Variants in PRKACB observed in about 807,000 individuals in gnomAD.
PRKACB encodes the protein protein kinase cAMP-activated catalytic subunit beta, also known as cAMP-dependent protein kinase catalytic subunit beta.
In PRKACB, 16 loss-of-function variants were observed where a neutral mutation model predicts 51.4. That is an observed-to-expected ratio of 0.31 (90% CI 0.21 to 0.47). The LOEUF (loss-of-function observed/expected upper bound fraction) is 0.47, where lower values mean the gene tolerates loss of function less well. PRKACB is among the 20% of genes least tolerant of loss of function. The probability of loss-of-function intolerance (pLI) is 1.00; values close to 1 mark genes in which losing one functional copy is unlikely to be tolerated. For synonymous variants in PRKACB, 147 were observed against 154.4 expected (o/e 0.95, Z 0.35); for missense variants, 309 against 464.5 (o/e 0.67, Z 3.08).
Position 84,214,302 on chromosome 1 carries a change from T to C in PRKACB, c.1056T>C (p.Ala352=). 6.3e-7 allele frequency: 1 copy of C among 1,592,304 alleles called. No individual in the cohort carries two copies. The highest frequency in any genetic ancestry group is 8.5e-7 in the Non-Finnish European group (1 of 1,171,832). The change falls in exon 9 of 10, where the codon GCT becomes GCC. Residue 352 remains alanine (A), a synonymous_variant. Coordinates refer to ENST00000370685, the MANE Select transcript of PRKACB (RefSeq NM_182948.4). The stretch of plus-strand genomic sequence containing the variant: ...GGTTTGCCACGACAGATTGGATTGC[T>C]ATTTACCAGAGGAAGGTGAGACTTT... The part of the protein sequence containing the change: ...HKWFATTDWI[A]IYQRKVEAPF...
At chr1:84,158,192 C>T (rs1373364590) in intron 1 of PRKACB, among the ~76,000 whole-genome samples, 2 of 152,012 alleles carry the variant, frequency 1.3e-5, no homozygotes, top group Non-Finnish European at 2.9e-5. Flanking sequence ...CATGCGCCAT[C>T]ACTCCCGGCT....
chr1:84,199,247 A>T (rs1030352469), intron 7 of PRKACB, among the ~76,000 whole-genome samples: 4 of 151,460 alleles, frequency 2.6e-5, no homozygotes, highest in African/African-American at 9.7e-5. Flanking sequence ...TTATTTCATC[A>T]CTCAGGAATT....
At chr1:84,086,102 C>T in intron 1 of PRKACB, 1 of 1,475,408 alleles carries the variant, frequency 6.8e-7, no homozygotes, top group South Asian at 1.1e-5. Context: ...CCACACAGAC[C>T]TCGCCATTGA....
chr1:84,097,493 C>G (rs1404677879), intron 1 of PRKACB, among the ~76,000 whole-genome samples: 1 of 151,976 alleles, frequency 6.6e-6, no homozygotes, highest in Non-Finnish European at 1.5e-5. Flanking sequence ...TCCAGAGAAA[C>G]AGAACCAATA....
chr1:84,216,381 T>A (rs1414122622), intron 9 of PRKACB, among the ~76,000 whole-genome samples: 2 of 151,748 alleles, frequency 1.3e-5, no homozygotes, highest in Non-Finnish European at 2.9e-5. Flanking sequence ...AACAAAACAA[T>A]TAAAGAATTT....
intron 1 of PRKACB, among the ~76,000 whole-genome samples, chr1:84,138,064 G>A (rs976509423): frequency 2.0e-5 from 3 of 152,174 alleles, no homozygotes; most frequent in Non-Finnish European, 4.4e-5. Flanking sequence ...GTACCCACTT[G>A]CCAGATCTTG....
chr1:84,114,460 GTTCTT>G (rs971020458), intron 1 of PRKACB, among the ~76,000 whole-genome samples: 1 of 151,468 alleles, frequency 6.6e-6, no homozygotes, highest in Non-Finnish European at 1.5e-5. Context: ...TATTTGTAGT[GTTCTT>G]TTTTTTTTAT....
chr1:84,125,315 C>T (rs1166713253), intron 1 of PRKACB, among the ~76,000 whole-genome samples: 1 of 152,180 alleles, frequency 6.6e-6, no homozygotes, highest in Non-Finnish European at 1.5e-5. Flanking sequence ...GTGTGCTGAT[C>T]ATTCTCACAC....
chr1:84,099,812 T>C (rs1054749080), intron 1 of PRKACB, among the ~76,000 whole-genome samples: 1 of 152,226 alleles, frequency 6.6e-6, no homozygotes, highest in African/African-American at 2.4e-5. Flanking sequence ...TCCTATGTAA[T>C]GTATTACTCT....
intron 1 of PRKACB, chr1:84,085,999 G>A: frequency 1.3e-6 from 1 of 765,338 alleles, no homozygotes. Flanking sequence ...ACGCACAGTG[G>A]TGTGGACCCT....
intron 9 of PRKACB, among the ~76,000 whole-genome samples, chr1:84,217,156 G>A (rs1672997941): frequency 6.6e-6 from 1 of 152,124 alleles, no homozygotes. Flanking sequence ...GAATACAAAA[G>A]GAAGAGCAGT....
At position 84,202,783 on chromosome 1, in the gene PRKACB, A is replaced by G. The variant is rs1192021637; in HGVS notation, c.884A>G (p.Tyr295Cys). 6.2e-7 allele frequency: 1 copy of G among 1,606,896 alleles called. No homozygotes were observed. Residue 295 changes from tyrosine (Y) to cysteine (C), a missense_variant, in exon 8 of 10, where the codon TAT becomes TGT. By Grantham distance (194) the Tyr-to-Cys change is radical. Coordinates refer to ENST00000370685, the MANE Select transcript of PRKACB (RefSeq NM_182948.4). ...TTTGCAGACCAACCAATTCAGATTT[A>G]TGAAAAGATTGTTTCTGGAAAGGTA... ...PFFADQPIQIYEKIVSGKVRF... is the reference protein window; with the variant it reads ...PFFADQPIQICEKIVSGKVRF...
At chr1:84,157,946 A>G (rs1408804417) in intron 1 of PRKACB, among the ~76,000 whole-genome samples, 1 of 152,110 alleles carries the variant, frequency 6.6e-6, no homozygotes, top group Non-Finnish European at 1.5e-5. Flanking sequence ...TGGTAAATTT[A>G]TGTTTTAAAG....
At chr1:84,166,660 T>C (rs770911133) in intron 1 of PRKACB, among the ~76,000 whole-genome samples, 2 of 151,600 alleles carry the variant, frequency 1.3e-5, no homozygotes, top group African/African-American at 2.4e-5. Context: ...ACTTGGAAAA[T>C]TACAAGAGAA....
chr1:84,154,893 G>A (rs1655276043), intron 1 of PRKACB, among the ~76,000 whole-genome samples: 2 of 152,056 alleles, frequency 1.3e-5, no homozygotes, highest in Admixed American at 6.6e-5. Context: ...ACATAATAAA[G>A]GCTACATAGG....
chr1:84,085,907 G>C (rs545028117), intron 1 of PRKACB: 1 of 654,306 alleles, frequency 1.5e-6, no homozygotes, highest in Non-Finnish European at 2.8e-6. Context: ...TACACCACCA[G>C]CATCTCCTCA....
chr1:84,180,698 T>C (rs947271528), intron 2 of PRKACB, among the ~76,000 whole-genome samples: 1 of 152,084 alleles, frequency 6.6e-6, no homozygotes, highest in Non-Finnish European at 1.5e-5. Flanking sequence ...TTCTTAAAGA[T>C]GCCATTACTA....
intron 1 of PRKACB, chr1:84,165,126 T>G: frequency 1.1e-6 from 1 of 882,518 alleles, no homozygotes. Flanking sequence ...GAATTATATT[T>G]TGTGGTGACG....
chr1:84,160,577 A>G (rs920125131), intron 1 of PRKACB, among the ~76,000 whole-genome samples: 3 of 147,830 alleles, frequency 2.0e-5, no homozygotes, highest in Non-Finnish European at 4.5e-5. Context: ...ACTATAATAT[A>G]TAATAATATA....
Sources: allele counts gnomAD v4.1 joint callset (sites outside exome capture counted in the v4.1 genomes callset), GRCh38; gene constraint gnomAD v4.1.1; transcripts MANE v1.5; gene names NCBI Gene and HGNC (gene_info 2026-07-23, HGNC 2026-07-21).